Variants in NFASC observed in about 807,000 individuals in gnomAD.
NFASC encodes neurofascin homolog.
Under a neutral mutation model 147.5 loss-of-function variants are expected in NFASC, and 43 were observed. The observed-to-expected ratio is 0.29, with a 90% CI of 0.23 to 0.38. The LOEUF (loss-of-function observed/expected upper bound fraction) is 0.38. Ranked by LOEUF, NFASC falls within the 10% of genes least tolerant of loss-of-function variation. The pLI is 1.00. For missense variants in NFASC, 1,320 were observed against 1,689.0 expected, an observed-to-expected ratio of 0.78 and a Z score of 3.83; for synonymous variants, 622 against 665.5, an observed-to-expected ratio of 0.93 and a Z score of 1.01.
chr1:204,921,851 T>TA (rs375656277), intron 2 of NFASC, among the ~76,000 whole-genome samples: 2 of 152,178 alleles, frequency 1.3e-5, no homozygotes, highest in Non-Finnish European at 2.9e-5. Context: ...TTTTTTTTTT[T>TA]ATCAAGGTAG....
intron 2 of NFASC, among the ~76,000 whole-genome samples, chr1:204,941,410 A>G (rs566051063): frequency 6.6e-6 from 1 of 152,290 alleles, no homozygotes; most frequent in East Asian, 1.9e-4. Context: ...TTTCTTGCCA[A>G]TGTGTATCTG....
intron 1 of NFASC, among the ~76,000 whole-genome samples, chr1:204,902,821 G>A (rs1208579241): frequency 6.6e-6 from 1 of 152,164 alleles, no homozygotes; most frequent in Non-Finnish European, 1.5e-5. Flanking sequence ...GCCAGTGAGG[G>A]GGAGAGGCAT....
intron 1 of NFASC, among the ~76,000 whole-genome samples, chr1:204,898,699 G>A (rs1056296652): frequency 5.9e-5 from 9 of 152,138 alleles, no homozygotes; most frequent in East Asian, 1.9e-4. Flanking sequence ...GTGCAGCCTC[G>A]TGTCCTCCAC....
At chr1:204,970,054 G>A (rs892774078) in intron 10 of NFASC, among the ~76,000 whole-genome samples, 12 of 116,886 alleles carry the variant, frequency 1.0e-4, no homozygotes, top group Admixed American at 4.8e-4. Flanking sequence ...CCAGCCTGGC[G>A]ACAGAGCAAG....
At chr1:204,924,360 C>T (rs758551425) in intron 2 of NFASC, among the ~76,000 whole-genome samples, 9 of 152,200 alleles carry the variant, frequency 5.9e-5, no homozygotes, top group Non-Finnish European at 1.2e-4. Context: ...TCTATGCTCC[C>T]GCTTATCACA....
At chr1:204,846,774 T>C (rs918126361) in intron 1 of NFASC, among the ~76,000 whole-genome samples, 6 of 152,180 alleles carry the variant, frequency 3.9e-5, no homozygotes, top group African/African-American at 7.2e-5. Context: ...TCTTCTTGCA[T>C]CACCACTGGC....
chr1:204,917,688 T>C (rs1558092466), intron 1 of NFASC, among the ~76,000 whole-genome samples: 1 of 152,198 alleles, frequency 6.6e-6, no homozygotes. Context: ...TTCTTCTTGG[T>C]CTCTGAGTCC....
intron 1 of NFASC, among the ~76,000 whole-genome samples, chr1:204,890,941 A>G (rs1045680939): frequency 3.3e-5 from 5 of 152,186 alleles, no homozygotes; most frequent in African/African-American, 7.2e-5. Context: ...TGCTCACCCA[A>G]TGGTCTCACC....
At chr1:204,971,833 A>G (rs12064077) in intron 11 of NFASC, among the ~76,000 whole-genome samples, 9,129 of 152,170 alleles carry the variant, frequency 0.06, 750 homozygotes, top group African/African-American at 0.19. Flanking sequence ...CCTGCCCTCT[A>G]CAGTTCTCTC....
chr1:204,922,106 A>G (rs2090603575), intron 2 of NFASC, among the ~76,000 whole-genome samples: 1 of 152,144 alleles, frequency 6.6e-6, no homozygotes, highest in Admixed American at 6.5e-5. Context: ...ATTTATTTAA[A>G]CGGGTACGAA....
intron 1 of NFASC, among the ~76,000 whole-genome samples, chr1:204,838,977 C>T (rs1049848457): frequency 9.8e-5 from 15 of 152,316 alleles, no homozygotes; most frequent in Admixed American, 3.3e-4. Context: ...ATGGTGTTGG[C>T]GCATGCCAGC....
intron 27 of NFASC, chr1:205,009,105 G>T: frequency 3.9e-6 from 1 of 255,744 alleles, no homozygotes; most frequent in South Asian, 4.7e-5. Flanking sequence ...GCAGGTTTTT[G>T]CAACGTGGCC....
chr1:205,003,909 T>C (rs558286291), intron 27 of NFASC, among the ~76,000 whole-genome samples: 1 of 152,314 alleles, frequency 6.6e-6, no homozygotes, highest in East Asian at 1.9e-4. Context: ...CCTGCACATT[T>C]GCATGCCATC....
At chr1:204,911,499 G>T (rs549616475) in intron 1 of NFASC, among the ~76,000 whole-genome samples, 157 of 152,272 alleles carry the variant, frequency 1.0e-3, no homozygotes, top group African/African-American at 3.5e-3. Flanking sequence ...ACTACAGGCA[G>T]ACACCACCTC....
chr1:204,970,785 C>G (rs760808359), intron 11 of NFASC, 38 bp downstream of exon 11: 3 of 1,613,472 alleles, frequency 1.9e-6, no homozygotes, highest in Non-Finnish European at 1.7e-6. Context: ...ACTCTCATCT[C>G]TCTGCTGTCA....
chr1:204,872,600 G>A lies in NFASC; in HGVS notation c.-200+43818G>A, dbSNP rs1368440851. 2.0e-5 allele frequency among the ~76,000 whole-genome samples: 3 copies of A among 152,156 alleles called. No homozygotes were observed. In the East Asian group the frequency reaches 5.8e-4, roughly 29 times the overall value. On this transcript the variant is annotated intron_variant, in intron 1 of 29. Coordinates refer to ENST00000339876, the MANE Select transcript of NFASC (RefSeq NM_001005388.3). ...GTGTCCTCCACCAAGCTTTTTGGGG[G>A]CTCCTACTGGCTCTGTTGTAACATT... is the stretch of plus-strand genomic sequence containing the variant.
intron 23 of NFASC, chr1:204,989,934 C>T (rs369497029): frequency 1.3e-5 from 2 of 152,230 alleles, no homozygotes; most frequent in East Asian, 3.9e-4. Context: ...GGCCCAGGCC[C>T]AGACGGGGTC....
At chr1:204,999,414 G>A (rs79201558) in intron 25 of NFASC, 7,872 of 152,144 alleles carry the variant, frequency 0.052, 260 homozygotes, top group Middle Eastern at 0.19. Flanking sequence ...TCATATTGGT[G>A]GCCAGACTGT....
intron 10 of NFASC, among the ~76,000 whole-genome samples, chr1:204,969,881 T>G (rs1168914549): frequency 2.0e-5 from 3 of 151,768 alleles, no homozygotes; most frequent in Admixed American, 6.6e-5. Context: ...ATCGAGACCA[T>G]CCTGGCCAAA....
Sources: gnomAD v4.1 joint callset for allele counts (sites outside exome capture counted in the v4.1 genomes callset) on GRCh38, gnomAD v4.1.1 for gene constraint, MANE v1.5 for transcripts, NCBI Gene and HGNC (gene_info 2026-07-23, HGNC 2026-07-21) for gene names.